PLK4: variants seen among roughly 807,000 people sequenced by gnomAD.
PLK4 encodes polo like kinase 4.
A neutral mutation model predicts 103.0 loss-of-function variants in PLK4; 51 were observed. That is an observed-to-expected ratio of 0.50 (90% CI 0.40 to 0.63). The LOEUF (loss-of-function observed/expected upper bound fraction) is 0.63, where lower values mean the gene tolerates loss of function less well. Among genes scored for constraint, PLK4 ranks in the 20% least tolerant of loss-of-function variants. The pLI is 0.00. For synonymous variants in PLK4, 389 were observed against 376.8 expected (o/e 1.03, Z -0.38); for missense variants, 1,054 against 1,151.0 (o/e 0.92, Z 1.22).
intron 9 of PLK4, 60 bp downstream of exon 9, chr4:127,891,741 ACTC>A: frequency 1.8e-6 from 1 of 548,370 alleles, no homozygotes; most frequent in Non-Finnish European, 3.2e-6. Context: ...ATACGTATAA[ACTC>A]TATATATAGA....
rs1291661294 is a variant in PLK4, at chr4:127,889,840, A to T, written c.1460-26A>T. 7 of 1,487,178 alleles carry T rather than the reference A, an allele frequency of 4.7e-6. No individual in the cohort carries two copies. The African/African-American group carries it at 9.8e-5, about 21-fold the overall frequency. The allele number at this position is 1,487,178 out of a possible 1,614,324, so 92.1% of individuals were successfully genotyped here. ...ACTTGTGTTTTTAGTTATTTACTAA[A>T]TTGCTTCATTCTATGTATATTGTAG... On this transcript the variant is annotated intron_variant, in intron 6 of 15. Coordinates refer to ENST00000270861, the MANE Select transcript of PLK4 (RefSeq NM_014264.5).
rs978094883 is a variant in PLK4, at chr4:127,893,517, A to G, written c.2327A>G (p.His776Arg). The G allele has an allele frequency of 3.1e-6, 5 of 1,610,476 alleles. No homozygotes were observed. Among genetic ancestry groups the G allele is most frequent in the Non-Finnish European group, 4.2e-6 (5 of 1,178,182 alleles). ...KMYMDHANEG[H>R]RICLALESII... ...AGCACTCTTCTTTTGAAATAGGGTCATCGTATTTGTTTAGCACTGGAATCC... is the reference window on the plus strand; with the variant it reads ...AGCACTCTTCTTTTGAAATAGGGTCGTCGTATTTGTTTAGCACTGGAATCC... Residue 776 changes from histidine (H) to arginine (R), a missense_variant, in exon 12 of 16, where the codon CAT becomes CGT. Transcript: ENST00000270861.
At position 127,895,143 on chromosome 4, in the gene PLK4, T is replaced by C. The variant is rs764930907; in HGVS notation, c.2703+50T>C. On this transcript the variant is annotated intron_variant, in intron 14 of 15. Coordinates refer to ENST00000270861, the MANE Select transcript of PLK4 (RefSeq NM_014264.5). Reference sequence around the variant, plus strand: ...TTTTCTCAGTATGAATTTCTTTTCATTTTCACACTGATAAGACAATTACCA... The same window carrying C: ...TTTTCTCAGTATGAATTTCTTTTCACTTTCACACTGATAAGACAATTACCA... The C allele has an allele frequency of 4.6e-6, 6 of 1,291,190 alleles. No homozygotes were observed. In the African/African-American group the frequency reaches 9.1e-5, roughly 20 times the overall value. 80.0% of individuals were successfully genotyped at this position (1,291,190 alleles called of 1,614,324 possible).
In PLK4 at chr4:127,891,640, C is replaced by T; in HGVS notation, c.1997C>T (p.Pro666Leu). The T allele has an allele frequency of 6.5e-7, 1 of 1,548,636 alleles. No homozygotes were observed. Among genetic ancestry groups the T allele is most frequent in the Non-Finnish European group, 8.8e-7 (1 of 1,140,140 alleles). Residue 666 changes from proline to leucine, a missense_variant, in exon 9 of 16, where the codon CCT becomes CTT. By Grantham distance (98) the Pro-to-Leu change is moderately conservative (BLOSUM62 -3). Coordinates refer to ENST00000270861, the MANE Select transcript of PLK4 (RefSeq NM_014264.5). ...CCTCTTGCTGATAGACCACCCTCAC[C>T]TACTGACAACATCAGTAGGTACAGC... The part of the protein sequence containing the change: ...GFPLADRPPS[P>L]TDNISRYSFD...
intron 10 of PLK4, among the ~76,000 whole-genome samples, chr4:127,893,045 G>A (rs1735422912): frequency 6.6e-6 from 1 of 151,904 alleles, no homozygotes; most frequent in Admixed American, 6.6e-5. Context: ...GTTTTTGTAT[G>A]AATATAGTGA....
Position 127,895,087 on chromosome 4 carries a change from T to C in PLK4, c.2697T>C (p.Ala899=), listed in dbSNP as rs1735513333. ...KSVFVKNVGW[A]TQLTSGAVWV... is the part of the protein sequence containing the mutation. ...TTTTTGTGAAAAATGTTGGTTGGGC[T>C]ACACAGGTGAGAAGTTTCTAGTACA... is the stretch of plus-strand genomic sequence containing the variant. Residue 899 remains alanine (A), a synonymous_variant, in exon 14 of 16, where the codon GCT becomes GCC. Coordinates refer to ENST00000270861, the MANE Select transcript of PLK4 (RefSeq NM_014264.5). The C allele has an allele frequency of 2.5e-6, 4 of 1,609,482 alleles. No homozygotes were observed. Among genetic ancestry groups the C allele is most frequent in the Non-Finnish European group, 3.4e-6 (4 of 1,178,060 alleles).
At position 127,883,553 on chromosome 4, in the gene PLK4, G is replaced by GGTA. The variant is rs1266247610; in HGVS notation, c.337+2_337+4dup. ...AGTGAAACCCTTCTCAGAAAATGAA[G>GGTA]GTAGGTGTGTGGTTTTTTTTGTTTG... On this transcript the variant is annotated protein_altering_variant and splice_region_variant. Coordinates refer to ENST00000270861, the MANE Select transcript of PLK4 (RefSeq NM_014264.5). 7.3e-7 allele frequency: 1 copy of GGTA among 1,364,796 alleles called. No individual in the cohort carries two copies. The highest frequency in any genetic ancestry group is 1.0e-6 in the Non-Finnish European group (1 of 966,844). The allele number at this position is 1,364,796 out of a possible 1,614,324, so 84.5% of individuals were successfully genotyped here. A position where few individuals can be genotyped will look rare whatever the true frequency, so the allele number is the denominator to read the frequency against.
intron 4 of PLK4, among the ~76,000 whole-genome samples, chr4:127,884,865 G>A (rs1036512681): frequency 7.2e-5 from 11 of 151,988 alleles, no homozygotes; most frequent in South Asian, 4.2e-4. Context: ...GCTTGAACCC[G>A]GGAGGCAGAG....
intron 8 of PLK4, 102 bp downstream of exon 8, chr4:127,891,298 G>C (rs553583789): frequency 3.4e-6 from 2 of 586,394 alleles, no homozygotes; most frequent in South Asian, 6.5e-5. Context: ...TTTAAAATCA[G>C]TTTGCCAGTA....
rs762040051 is a variant in PLK4 at position 127,883,574 on chromosome 4, G to GTTTGT, written c.337+29_337+33dup. 1.5e-5 allele frequency: 16 copies of GTTTGT among 1,058,062 alleles called. No individual in the cohort carries two copies. The Middle Eastern group carries it at 6.3e-4, about 41-fold the overall frequency. 65.5% of individuals were successfully genotyped at this position (1,058,062 alleles called of 1,614,324 possible). On this transcript the variant is annotated intron_variant, in intron 4 of 15. Coordinates refer to ENST00000270861, the MANE Select transcript of PLK4 (RefSeq NM_014264.5). ...TGAAGGTAGGTGTGTGGTTTTTTTT[G>GTTTGT]TTTGTTTTGTTTGGGTGGATAAAAG...
chr4:127,883,388 G>A lies in PLK4; in HGVS notation c.222+31G>A, dbSNP rs1735002779. ...ATATAAATTTTGTAGAAGTGACCAA[G>A]GACACTGAATTTTTGTATATTTTAA... is the stretch of plus-strand genomic sequence containing the variant. On this transcript the variant is annotated intron_variant, in intron 3 of 15. Transcript: ENST00000270861. The A allele has an allele frequency of 2.8e-6, 4 of 1,437,496 alleles. No homozygotes were observed. In the East Asian group the frequency reaches 6.8e-5, roughly 25 times the overall value. 89.0% of individuals were successfully genotyped at this position (1,437,496 alleles called of 1,614,324 possible).
At chr4:127,897,824 C>CTTTTGTTTTTTTT (rs1735626971) in intron 15 of PLK4, among the ~76,000 whole-genome samples, 1 of 28,802 alleles carries the variant, frequency 3.5e-5, no homozygotes, top group Non-Finnish European at 6.4e-5. Context: ...AGAATTAGGG[C>CTTTTGTTTTTTTT]TTTTTTTTTT....
Position 127,886,692 on chromosome 4 carries a change from C to A in PLK4, c.1322C>A (p.Ser441Tyr). Reference protein sequence around the residue: ...NFFKEKTSSSSGSFERPDNNQ... With the variant: ...NFFKEKTSSSYGSFERPDNNQ... ...TTTAAAGAAAAGACATCCAGTAGTT[C>A]TGGATCTTTTGAAAGACCTGATAAC... is the stretch of plus-strand genomic sequence containing the variant. The change falls in exon 5 of 16, where the codon TCT becomes TAT. Residue 441 changes from serine (S) to tyrosine (Y), a missense_variant. Ser to Tyr is a moderately radical substitution (Grantham distance 144). This residue lies in a region of PLK4 where 680 missense variants were observed against 660.3 expected (regional missense o/e 1.03). Transcript: ENST00000270861. 5.6e-6 allele frequency: 9 copies of A among 1,609,230 alleles called. No homozygotes were observed. The highest frequency in any genetic ancestry group is 6.8e-6 in the Non-Finnish European group (8 of 1,178,222).
At chr4:127,881,280 G>A (rs1734907861) in intron 1 of PLK4, 116 bp downstream of exon 1, 3 of 1,566,988 alleles carry the variant, frequency 1.9e-6, no homozygotes, top group Middle Eastern at 1.8e-4. Flanking sequence ...GCACCGAGGT[G>A]CTTAGGGAGG....
At chr4:127,898,391 C>G (rs991072429) in intron 15 of PLK4, 48 bp from the exon 16 acceptor site, 10 of 866,602 alleles carry the variant, frequency 1.2e-5, no homozygotes, top group Non-Finnish European at 1.7e-5. Flanking sequence ...TCATGAGAAC[C>G]AAGTAATTCA....
intron 6 of PLK4, among the ~76,000 whole-genome samples, chr4:127,889,144 G>A (rs977684303): frequency 1.3e-5 from 2 of 151,870 alleles, no homozygotes; most frequent in African/African-American, 4.8e-5. Flanking sequence ...AGGAGAGTGG[G>A]GGGAAAGCAC....
Position 127,887,404 on chromosome 4 carries a change from A to G in PLK4, c.1367A>G (p.His456Arg), listed in dbSNP as rs1268903089. The G allele has an allele frequency of 6.2e-7, 1 of 1,601,318 alleles. No homozygotes were observed. Among genetic ancestry groups the G allele is most frequent in the East Asian group, 2.2e-5 (1 of 44,738 alleles). The change falls in exon 6 of 16, where the codon CAT (histidine) becomes CGT (arginine). Residue 456 changes from histidine (H) to arginine (R), a missense_variant. Physicochemically the swap from His to Arg is conservative, Grantham distance 29 (BLOSUM62 0). Coordinates refer to ENST00000270861, the MANE Select transcript of PLK4 (RefSeq NM_014264.5). The part of the protein sequence containing the change: ...RPDNNQALSN[H>R]LCPGKTPFPF... ...TTTGTTTGTTTGTTTAGCTCCAATC[A>G]TCTTTGTCCAGGAAAAACTCCTTTT...
chr4:127,887,755 G>A (rs1289974847), intron 6 of PLK4, among the ~76,000 whole-genome samples: 1 of 150,802 alleles, frequency 6.6e-6, no homozygotes, highest in Non-Finnish European at 1.5e-5. Context: ...TGTACCTGTA[G>A]TCCCAGCTAC....
chr4:127,897,823 G>GTTTTTTT (rs1560703278), intron 15 of PLK4, among the ~76,000 whole-genome samples: 1 of 37,136 alleles, frequency 2.7e-5, no homozygotes, highest in Non-Finnish European at 5.9e-5. Flanking sequence ...TAGAATTAGG[G>GTTTTTTT]CTTTTTTTTT....
Sources: gnomAD v4.1 joint callset for allele counts (sites outside exome capture counted in the v4.1 genomes callset) on GRCh38, gnomAD v4.1.1 for gene constraint, gnomAD v4.1.1 regional missense constraint, MANE v1.5 for transcripts, NCBI Gene and HGNC (gene_info 2026-07-23, HGNC 2026-07-21) for gene names.